Variants in BAIAP2L1 observed in about 807,000 individuals in gnomAD.
The protein encoded by BAIAP2L1 is BAR/IMD domain containing adaptor protein 2 like 1.
BAIAP2L1 carries 35 observed loss-of-function variants against 66.3 expected under a neutral mutation model. The ratio of observed to expected loss-of-function variants is 0.53; its 90% CI spans 0.40 to 0.70. The LOEUF (loss-of-function observed/expected upper bound fraction) is 0.70. Ranked by LOEUF, BAIAP2L1 falls within the 30% of genes least tolerant of loss-of-function variation. BAIAP2L1 has a pLI of 0.00. For synonymous variants in BAIAP2L1, 269 were observed against 248.7 expected, an observed-to-expected ratio of 1.08 and a Z score of -0.77; for missense variants, 622 against 656.9, an observed-to-expected ratio of 0.95 and a Z score of 0.58.
chr7:98,299,301 G>A (rs1300555523), intron 12 of BAIAP2L1, among the ~76,000 whole-genome samples: 2 of 151,838 alleles, frequency 1.3e-5, no homozygotes, highest in Non-Finnish European at 2.9e-5. Flanking sequence ...TTACAGGTGT[G>A]AGCCACCACG....
chr7:98,331,203 G>T (rs1801487414), intron 3 of BAIAP2L1, among the ~76,000 whole-genome samples: 1 of 151,898 alleles, frequency 6.6e-6, no homozygotes, highest in Non-Finnish European at 1.5e-5. Flanking sequence ...GGAGAATAAA[G>T]AACAAAAAAT....
chr7:98,321,332 C>T (rs1314945310), intron 3 of BAIAP2L1, among the ~76,000 whole-genome samples: 4 of 152,170 alleles, frequency 2.6e-5, no homozygotes, highest in South Asian at 2.1e-4. Flanking sequence ...CTGTCAGGCA[C>T]GAGAGATAAA....
At chr7:98,312,020 A>T in intron 8 of BAIAP2L1, 77 bp downstream of exon 8, 1 of 1,447,890 alleles carries the variant, frequency 6.9e-7, no homozygotes, top group Non-Finnish European at 9.4e-7. Context: ...TGTGATTCCC[A>T]CCAACACAGG....
chr7:98,301,492 T>TATATATAC (rs1427972128), intron 12 of BAIAP2L1, among the ~76,000 whole-genome samples: 146 of 150,328 alleles, frequency 9.7e-4, no homozygotes, highest in African/African-American at 3.4e-3. Flanking sequence ...TATATATATA[T>TATATATAC]ATTTTAAGTG....
At chr7:98,395,745 G>A (rs1451146953) in intron 1 of BAIAP2L1, among the ~76,000 whole-genome samples, 1 of 152,022 alleles carries the variant, frequency 6.6e-6, no homozygotes, top group Non-Finnish European at 1.5e-5. Flanking sequence ...TATTGAGTTG[G>A]AATTATTACA....
In BAIAP2L1 at chr7:98,393,028, CAT is replaced by C. The variant is rs1269596204; in HGVS notation, c.51+7772_51+7773del. Reference sequence around the variant, plus strand: ...TTTTGTGTATATATATACATACACACATATATATACATATATACGTGTACATA... The same window carrying C: ...TTTTGTGTATATATATACATACACACATATATACATATATACGTGTACATA... On this transcript the variant is annotated intron_variant, in intron 1 of 13. Transcript: ENST00000005260. Among the ~76,000 whole-genome samples the C allele has an allele frequency of 1.3e-3, 135 of 107,172 alleles. 19 individuals carry two copies. The highest frequency in any genetic ancestry group is 4.6e-3 in the African/African-American group (109 of 23,542). 70.3% of individuals were successfully genotyped at this position (107,172 alleles called of 152,430 possible). A position where few individuals can be genotyped will look rare whatever the true frequency, so the allele number is the denominator to read the frequency against.
chr7:98,386,027 A>T, intron 1 of BAIAP2L1: 1 of 1,395,136 alleles, frequency 7.2e-7, no homozygotes, highest in Non-Finnish European at 1.0e-6. Context: ...TCTGGAATCA[A>T]TTTATTGACC....
intron 12 of BAIAP2L1, among the ~76,000 whole-genome samples, chr7:98,298,257 A>G (rs568585765): frequency 6.6e-6 from 1 of 152,262 alleles, no homozygotes; most frequent in East Asian, 1.9e-4. Flanking sequence ...TAAGCATTCC[A>G]GTGTCACACG....
chr7:98,400,893 T>C lies in BAIAP2L1; in HGVS notation c.-41A>G, dbSNP rs1250558527. 9 of 1,509,512 alleles carry C rather than the reference T, an allele frequency of 6.0e-6. No homozygotes were observed. Among genetic ancestry groups the C allele is most frequent in the Non-Finnish European group, 8.0e-6 (9 of 1,129,944 alleles). 93.5% of individuals were successfully genotyped at this position (1,509,512 alleles called of 1,614,324 possible). A position where few individuals can be genotyped will look rare whatever the true frequency, so the allele number is the denominator to read the frequency against. ...GCGAGCAAGCGCGGGAGGACGCGGC[T>C]GGGCCTCGTGGCCGCCGGACTCCGG... On this transcript the variant is annotated 5_prime_UTR_variant, in exon 1 of 14. Coordinates refer to ENST00000005260, the MANE Select transcript of BAIAP2L1 (RefSeq NM_018842.5).
intron 1 of BAIAP2L1, among the ~76,000 whole-genome samples, chr7:98,379,764 C>T (rs1281519404): frequency 3.3e-5 from 5 of 152,160 alleles, no homozygotes; most frequent in Non-Finnish European, 7.3e-5. Context: ...TATTAAGACA[C>T]TCTACAACAT....
intron 3 of BAIAP2L1, among the ~76,000 whole-genome samples, chr7:98,341,474 G>C (rs1371007150): frequency 1.3e-5 from 2 of 152,062 alleles, no homozygotes. Context: ...CTTCAGCCCA[G>C]GAGTTCGAGA....
chr7:98,401,086 C>T lies in BAIAP2L1; in HGVS notation c.-234G>A. ...CAGAGGAGAAGCGGCCGGACGCCGCCAGAGGAAGCTGGGCGGGCCGGGCGG... is the reference window on the plus strand; with the variant it reads ...CAGAGGAGAAGCGGCCGGACGCCGCTAGAGGAAGCTGGGCGGGCCGGGCGG... On this transcript the variant is annotated 5_prime_UTR_variant, in exon 1 of 14. Transcript: ENST00000005260. 1 of 369,194 alleles carries T rather than the reference C, an allele frequency of 2.7e-6. No individual in the cohort carries two copies. 22.9% of individuals were successfully genotyped at this position (369,194 alleles called of 1,614,324 possible).
chr7:98,336,102 C>T (rs1434698815), intron 3 of BAIAP2L1, among the ~76,000 whole-genome samples: 3 of 142,484 alleles, frequency 2.1e-5, no homozygotes, highest in Admixed American at 7.5e-5. Flanking sequence ...ATTGGGTACT[C>T]GTGGACATAA....
intron 2 of BAIAP2L1, 72 bp from the exon 3 acceptor site, chr7:98,355,200 C>A: frequency 9.5e-7 from 1 of 1,049,710 alleles, no homozygotes; most frequent in South Asian, 1.3e-5. Context: ...AGTTTTCTTC[C>A]AAACACCCCC....
intron 1 of BAIAP2L1, among the ~76,000 whole-genome samples, chr7:98,383,699 CAT>C (rs1420785726): frequency 1.3e-5 from 2 of 152,208 alleles, no homozygotes; most frequent in South Asian, 2.1e-4. Context: ...AGAGAAGTAA[CAT>C]GTGAATGTGT....
In BAIAP2L1 at chr7:98,364,394, G is replaced by A. The variant is rs185789129; in HGVS notation, c.52-1962C>T. On this transcript the variant is annotated intron_variant, in intron 1 of 13. Coordinates refer to ENST00000005260, the MANE Select transcript of BAIAP2L1 (RefSeq NM_018842.5). The stretch of plus-strand genomic sequence containing the variant: ...AAACTCTCAGCTAATCTCCTGTTCC[G>A]TTTTTCCCTTGACTTCCTCTAAGGA... Among the ~76,000 whole-genome samples the A allele has an allele frequency of 9.7e-4, 148 of 151,894 alleles. 1 individual carries two copies. The highest frequency in any genetic ancestry group is 5.8e-3 in the South Asian group (28 of 4,818).
At chr7:98,293,937 G>A (rs914142977) in intron 13 of BAIAP2L1, 137 bp downstream of exon 13, 34 of 1,003,930 alleles carry the variant, frequency 3.4e-5, no homozygotes, top group Non-Finnish European at 4.8e-5. Flanking sequence ...GCAGGGGGCT[G>A]CACTCCCCCA....
intron 12 of BAIAP2L1, among the ~76,000 whole-genome samples, chr7:98,296,791 T>A (rs1302482194): frequency 1.3e-5 from 2 of 152,204 alleles, no homozygotes; most frequent in African/African-American, 4.8e-5. Context: ...TGCCTCCCTC[T>A]CCACTGCAAA....
chr7:98,356,333 G>A (rs1221127790), intron 2 of BAIAP2L1, among the ~76,000 whole-genome samples: 1 of 152,032 alleles, frequency 6.6e-6, no homozygotes, highest in African/African-American at 2.4e-5. Flanking sequence ...CATTTATTTG[G>A]AATTTTACTC....
Sources: gnomAD v4.1 joint callset for allele counts (sites outside exome capture counted in the v4.1 genomes callset) on GRCh38, gnomAD v4.1.1 for gene constraint, MANE v1.5 for transcripts, NCBI Gene and HGNC (gene_info 2026-07-23, HGNC 2026-07-21) for gene names.